Variants in GPRC6A observed in about 807,000 individuals in gnomAD.
The protein encoded by GPRC6A is G protein-coupled receptor class C group 6 member A.
Under a neutral mutation model 47.0 loss-of-function variants are expected in GPRC6A, and 54 were observed. That is an observed-to-expected ratio of 1.15 (90% CI 0.92 to 1.44). The LOEUF (loss-of-function observed/expected upper bound fraction) is 1.44. GPRC6A is among the 40% of genes most tolerant of loss of function. The probability of loss-of-function intolerance (pLI) is 0.00; values close to 1 mark genes in which losing one functional copy is unlikely to be tolerated. For synonymous variants in GPRC6A, 347 were observed against 377.1 expected, an observed-to-expected ratio of 0.92 and a Z score of 0.93; for missense variants, 1,112 against 1,105.5, an observed-to-expected ratio of 1.01 and a Z score of -0.08.
intron 3 of GPRC6A, among the ~76,000 whole-genome samples, chr6:116,803,853 T>C (rs1027204705): frequency 6.6e-6 from 1 of 152,144 alleles, no homozygotes; most frequent in African/African-American, 2.4e-5. Flanking sequence ...GTCTCACTTA[T>C]GTACTTCTCT....
At chr6:116,813,426 C>T (rs1012473341) in intron 1 of GPRC6A, among the ~76,000 whole-genome samples, 1 of 152,124 alleles carries the variant, frequency 6.6e-6, no homozygotes, top group African/African-American at 2.4e-5. Context: ...ACCAATGGAA[C>T]AGAACAGCGG....
intron 1 of GPRC6A, among the ~76,000 whole-genome samples, chr6:116,827,651 A>G (rs1487311922): frequency 1.3e-5 from 2 of 152,070 alleles, no homozygotes; most frequent in African/African-American, 4.8e-5. Context: ...AGTGTTTTCC[A>G]TCCTTAATTG....
chr6:116,826,426 TA>T (rs1773677914), intron 1 of GPRC6A, among the ~76,000 whole-genome samples: 2 of 151,806 alleles, frequency 1.3e-5, no homozygotes, highest in African/African-American at 2.4e-5. Context: ...AACTGGTATA[TA>T]AAAAATGCTC....
chr6:116,825,913 A>G (rs1161993758), intron 1 of GPRC6A, among the ~76,000 whole-genome samples: 2 of 151,994 alleles, frequency 1.3e-5, no homozygotes, highest in Non-Finnish European at 2.9e-5. Flanking sequence ...TTGCCAACAG[A>G]TTTTTGACAA....
intron 1 of GPRC6A, among the ~76,000 whole-genome samples, chr6:116,826,622 A>G (rs1773687096): frequency 6.6e-6 from 1 of 151,984 alleles, no homozygotes; most frequent in Non-Finnish European, 1.5e-5. Context: ...AATTAGTACA[A>G]CCCCTATGGG....
At chr6:116,810,788 A>G (rs1357525296) in intron 1 of GPRC6A, among the ~76,000 whole-genome samples, 1 of 152,022 alleles carries the variant, frequency 6.6e-6, no homozygotes, top group Non-Finnish European at 1.5e-5. Context: ...TAACATTACA[A>G]TTTCAATTAA....
chr6:116,801,610 TTATTC>T (rs1188821827), intron 3 of GPRC6A, among the ~76,000 whole-genome samples: 9 of 152,286 alleles, frequency 5.9e-5, no homozygotes, highest in South Asian at 2.1e-4. Context: ...TTGAAGACAA[TTATTC>T]TATTCTATTT....
intron 2 of GPRC6A, among the ~76,000 whole-genome samples, chr6:116,808,566 C>T (rs1397570246): frequency 1.3e-5 from 2 of 152,076 alleles, no homozygotes; most frequent in East Asian, 1.9e-4. Context: ...ACTCTACCTC[C>T]AAAATGTTAT....
intron 1 of GPRC6A, among the ~76,000 whole-genome samples, chr6:116,822,906 A>G (rs1273386826): frequency 3.2e-4 from 48 of 150,802 alleles, no homozygotes; most frequent in East Asian, 1.9e-3. Context: ...AAAAAAAAAA[A>G]AAAGAAAGAA....
At chr6:116,793,470 AG>A (rs1410609681) in intron 5 of GPRC6A, among the ~76,000 whole-genome samples, 2 of 152,172 alleles carry the variant, frequency 1.3e-5, no homozygotes, top group Non-Finnish European at 2.9e-5. Context: ...GAGAAAATAG[AG>A]AAAGAAAAAA....
At chr6:116,821,183 C>A (rs1773461179) in intron 1 of GPRC6A, among the ~76,000 whole-genome samples, 3 of 151,818 alleles carry the variant, frequency 2.0e-5, no homozygotes, top group Admixed American at 6.6e-5. Context: ...AGGAGAACTA[C>A]AAACCACTGC....
intron 1 of GPRC6A, among the ~76,000 whole-genome samples, chr6:116,822,968 C>T (rs2114623690): frequency 6.6e-6 from 1 of 150,606 alleles, no homozygotes; most frequent in East Asian, 1.9e-4. Context: ...ATGGGAGGGG[C>T]TGCCATGGAG....
rs550086758 is a variant in GPRC6A, at chr6:116,816,468, G to A, written c.195-6851C>T. Among the ~76,000 whole-genome samples, 3 of 152,316 alleles carry A rather than the reference G, an allele frequency of 2.0e-5. No homozygotes were observed. In the South Asian group the frequency reaches 6.2e-4, roughly 32 times the overall value. On this transcript the variant is annotated intron_variant, in intron 1 of 5. Coordinates refer to ENST00000310357, the MANE Select transcript of GPRC6A (RefSeq NM_148963.4). ...TGCTGGTACAAGCTGAAGCTGAAGT[G>A]GCTGGGACACAAGCAGCAGCAGGGC...
At chr6:116,821,585 A>G (rs1399211506) in intron 1 of GPRC6A, among the ~76,000 whole-genome samples, 1 of 152,260 alleles carries the variant, frequency 6.6e-6, no homozygotes, top group African/African-American at 2.4e-5. Flanking sequence ...TCTTTGACAA[A>G]CCTGAGAAAA....
intron 3 of GPRC6A, among the ~76,000 whole-genome samples, chr6:116,805,889 TATA>T (rs1227991759): frequency 6.6e-6 from 1 of 152,040 alleles, no homozygotes; most frequent in Non-Finnish European, 1.5e-5. Flanking sequence ...GAGTCTTAAC[TATA>T]GGTGTTGGGA....
rs1772860148 is a variant in GPRC6A at position 116,806,869 on chromosome 6, C to T, written c.836G>A (p.Arg279Lys). 1 of 1,613,200 alleles carries T rather than the reference C, an allele frequency of 6.2e-7. No homozygotes were observed. Among genetic ancestry groups the T allele is most frequent in the Non-Finnish European group, 8.5e-7 (1 of 1,179,464 alleles). ...AQVNVIVVFLRQFHVFDLFNK... is the reference protein window; with the variant it reads ...AQVNVIVVFLKQFHVFDLFNK... The stretch of plus-strand genomic sequence containing the variant: ...GAAGAGATCAAAAACATGGAATTGC[C>T]TCAGAAATACCACAATGACATTAAC... Residue 279 changes from arginine to lysine, a missense_variant, in exon 3 of 6, where the codon AGG becomes AAG. Arg to Lys is a conservative substitution (Grantham distance 26, BLOSUM62 2). Transcript: ENST00000310357.
chr6:116,792,840 G>A lies in GPRC6A; in HGVS notation c.2083C>T (p.Gln695Ter), dbSNP rs897012077. Residue 695 changes from glutamine to a stop codon, truncating the protein, a stop_gained, in exon 6 of 6, where the codon CAG becomes TAG. Coordinates refer to ENST00000310357, the MANE Select transcript of GPRC6A (RefSeq NM_148963.4). LOFTEE classifies it low-confidence loss of function (END_TRUNC). ...CTATAGAGGCACTTCAGAAATTTCT[G>A]TAATTTGGGATCAAAGCTGAAGGCT... is the stretch of plus-strand genomic sequence containing the variant. ...LLAFSFDPKL[Q>*]KFLKCLYRPI... 3 of 1,613,956 alleles carry A rather than the reference G, an allele frequency of 1.9e-6. No individual in the cohort carries two copies. The African/African-American group carries it at 4.0e-5, about 22-fold the overall frequency.
chr6:116,792,135 G>C lies in GPRC6A; in HGVS notation c.*7C>G, dbSNP rs1253858233. On this transcript the variant is annotated 3_prime_UTR_variant, in exon 6 of 6. Transcript: ENST00000310357. The stretch of plus-strand genomic sequence containing the variant: ...TATTCTGGAATGTGGCATCTCCTAA[G>C]GCTTATTCATATACTTGACATTCTT... 6.2e-7 allele frequency: 1 copy of C among 1,606,806 alleles called. No individual in the cohort carries two copies.
intron 1 of GPRC6A, among the ~76,000 whole-genome samples, chr6:116,810,171 A>G (rs1772980068): frequency 6.6e-6 from 1 of 152,146 alleles, no homozygotes; most frequent in Non-Finnish European, 1.5e-5. Context: ...ATTCCAGAGC[A>G]CTGAGTTGTC....
Sources: gnomAD v4.1 joint callset for allele counts (sites outside exome capture counted in the v4.1 genomes callset) on GRCh38, gnomAD v4.1.1 for gene constraint, MANE v1.5 for transcripts, NCBI Gene and HGNC (gene_info 2026-07-23, HGNC 2026-07-21) for gene names.